The following CROCC2 variants were observed in gnomAD, a reference collection of about 807,000 sequenced individuals.
CROCC2 encodes ciliary rootlet coiled-coil, rootletin family member 2.
In CROCC2, 163 loss-of-function variants were observed where a neutral mutation model predicts 177.6. The ratio of observed to expected loss-of-function variants is 0.92; its 90% CI spans 0.81 to 1.05. The LOEUF (loss-of-function observed/expected upper bound fraction) is 1.05, where lower values mean the gene tolerates loss of function less well. Among genes scored for constraint, CROCC2 ranks in the 50% least tolerant of loss-of-function variants. The pLI is 0.00. For synonymous variants in CROCC2, 904 were observed against 787.3 expected (o/e 1.15, Z -2.48); for missense variants, 1,929 against 1,797.8 (o/e 1.07, Z -1.32).
rs958255713 is a variant in CROCC2, at chr2:240,963,377, G to A, written c.3088-179G>A. On this transcript the variant is annotated intron_variant, in intron 20 of 31. Transcript: ENST00000690015. Reference sequence around the variant, plus strand: ...GGCCCTGCCTCAGCCCGTGGAAGCCGCCCTGCAGCCTCCGCAGCACTAGGG... The same window carrying A: ...GGCCCTGCCTCAGCCCGTGGAAGCCACCCTGCAGCCTCCGCAGCACTAGGG... 15 of 644,266 alleles carry A rather than the reference G, an allele frequency of 2.3e-5. 1 individual carries two copies. The highest frequency in any genetic ancestry group is 8.7e-4 in the Middle Eastern group (2 of 2,300). The allele number at this position is 644,266 out of a possible 1,614,324, so 39.9% of individuals were successfully genotyped here. A position where few individuals can be genotyped will look rare whatever the true frequency, so the allele number is the denominator to read the frequency against.
chr2:240,909,822 T>C (rs1351715836), intron 1 of CROCC2, among the ~76,000 whole-genome samples: 1 of 151,934 alleles, frequency 6.6e-6, no homozygotes, highest in East Asian at 1.9e-4. Context: ...AGCAGGCGGG[T>C]GCCAGACGCC....
intron 14 of CROCC2, among the ~76,000 whole-genome samples, chr2:240,944,372 T>G (rs958656224): frequency 5.3e-5 from 8 of 152,232 alleles, no homozygotes; most frequent in African/African-American, 1.9e-4. Context: ...ATTTGGAACA[T>G]TCTTGGCCTG....
chr2:240,981,685 A>C (rs1360731117), intron 27 of CROCC2: 1 of 152,192 alleles, frequency 6.6e-6, no homozygotes, highest in East Asian at 1.9e-4. Flanking sequence ...AGGGTGAAGC[A>C]TCACAGTCTT....
At chr2:240,942,436 G>A (rs146740853) in intron 14 of CROCC2, among the ~76,000 whole-genome samples, 1 of 152,128 alleles carries the variant, frequency 6.6e-6, no homozygotes, top group East Asian at 1.9e-4. Context: ...ATCCCCTAAT[G>A]AGCTATTTCT....
At position 240,967,457 on chromosome 2, in the gene CROCC2, C is replaced by A; in HGVS notation, c.4259C>A (p.Ala1420Glu). The A allele has an allele frequency of 6.7e-7, 1 of 1,491,504 alleles. No homozygotes were observed. Among genetic ancestry groups the A allele is most frequent in the Non-Finnish European group, 9.1e-7 (1 of 1,093,396 alleles). The allele number at this position is 1,491,504 out of a possible 1,614,324, so 92.4% of individuals were successfully genotyped here. ...VGQLQKALAE[A>E]EEGQRRVEGA... ...CAGCTGCAGAAAGCCCTGGCTGAGG[C>A]GGAAGAAGGTGACCTCCCTTGCCCT... is the stretch of plus-strand genomic sequence containing the variant. The change falls in exon 26 of 32, where the codon GCG becomes GAG. Residue 1420 changes from alanine to glutamate, a missense_variant. Coordinates refer to ENST00000690015, the MANE Select transcript of CROCC2 (RefSeq NM_001351305.2).
chr2:240,962,402 C>G (rs1289927735), intron 20 of CROCC2, among the ~76,000 whole-genome samples: 1 of 152,098 alleles, frequency 6.6e-6, no homozygotes, highest in Non-Finnish European at 1.5e-5. Context: ...TGCATGGGCC[C>G]TTTTGCTGGT....
intron 20 of CROCC2, among the ~76,000 whole-genome samples, chr2:240,962,448 C>T (rs955281373): frequency 6.6e-6 from 1 of 152,022 alleles, no homozygotes; most frequent in African/African-American, 2.4e-5. Context: ...CTGAGCTCGG[C>T]GGAAAATGCT....
chr2:240,982,698 A>G lies in CROCC2; in HGVS notation c.4402-182A>G, dbSNP rs1574797070. The G allele has an allele frequency of 5.3e-6, 3 of 569,120 alleles. No homozygotes were observed. The highest frequency in any genetic ancestry group is 1.9e-5 in the African/African-American group (1 of 52,810). 35.3% of individuals were successfully genotyped at this position (569,120 alleles called of 1,614,324 possible). A position where few individuals can be genotyped will look rare whatever the true frequency, so the allele number is the denominator to read the frequency against. Reference sequence around the variant, plus strand: ...TGGGGGTCCACACCTTTGAGGTTACATTGCAAACACAATCACCTGATCAAC... The same window carrying G: ...TGGGGGTCCACACCTTTGAGGTTACGTTGCAAACACAATCACCTGATCAAC... On this transcript the variant is annotated intron_variant, in intron 27 of 31. Coordinates refer to ENST00000690015, the MANE Select transcript of CROCC2 (RefSeq NM_001351305.2). This position sits in a 1 kb window ranked among gnomAD's most constrained non-coding sequence, Gnocchi z 4.7.
Position 240,933,111 on chromosome 2 carries a change from A to G in CROCC2, c.1252-20A>G. The G allele has an allele frequency of 6.5e-7, 1 of 1,549,970 alleles. No individual in the cohort carries two copies. Among genetic ancestry groups the G allele is most frequent in the Non-Finnish European group, 8.7e-7 (1 of 1,146,812 alleles). ...GCCTGCCTAGGCCAGAGAGGCCCACAACTTACCCCACCCGAGCAGGAGCTG... is the reference window on the plus strand; with the variant it reads ...GCCTGCCTAGGCCAGAGAGGCCCACGACTTACCCCACCCGAGCAGGAGCTG... On this transcript the variant is annotated intron_variant, in intron 9 of 31. Transcript: ENST00000690015.
rs187869414 is a variant in CROCC2, at chr2:240,914,081, G to A, written c.79-4645G>A. Among the ~76,000 whole-genome samples, 10 of 152,358 alleles carry A rather than the reference G, an allele frequency of 6.6e-5. No homozygotes were observed. In the East Asian group the frequency reaches 7.7e-4, roughly 12 times the overall value. Reference sequence around the variant, plus strand: ...GAGGAAAGGGGCTGCCGCCCGGCCCGGAAGCTGCTTGGTTCCCTGCCCTTT... The same window carrying A: ...GAGGAAAGGGGCTGCCGCCCGGCCCAGAAGCTGCTTGGTTCCCTGCCCTTT... On this transcript the variant is annotated intron_variant, in intron 1 of 31. Transcript: ENST00000690015.
At chr2:240,983,451 G>A in intron 28 of CROCC2, 1 of 1,257,856 alleles carries the variant, frequency 8.0e-7, no homozygotes, top group East Asian at 6.9e-5. Flanking sequence ...CAGAGGCTCA[G>A]CGGCGGGCAG....
intron 6 of CROCC2, among the ~76,000 whole-genome samples, chr2:240,930,529 G>T (rs1478668400): frequency 6.6e-6 from 1 of 152,110 alleles, no homozygotes; most frequent in Non-Finnish European, 1.5e-5. Context: ...GATGAGAGGA[G>T]GGTGAAGAGG....
intron 12 of CROCC2, 151 bp from the exon 13 acceptor site, chr2:240,934,765 G>A (rs1470051274): frequency 1.2e-6 from 1 of 853,852 alleles, no homozygotes; most frequent in Non-Finnish European, 1.7e-6. Flanking sequence ...TTGGCCCTGA[G>A]ACCTCCCCAC....
intron 30 of CROCC2, among the ~76,000 whole-genome samples, chr2:240,990,394 A>C (rs2059869810): frequency 1.3e-5 from 2 of 152,198 alleles, no homozygotes; most frequent in Admixed American, 1.3e-4. Context: ...TGAGCCTTAG[A>C]GCTCAGAGCT....
chr2:240,935,683 A>T, intron 14 of CROCC2, 95 bp downstream of exon 14: 2 of 921,206 alleles, frequency 2.2e-6, no homozygotes, highest in Non-Finnish European at 3.0e-6. Flanking sequence ...CAGGCTCAGG[A>T]TGCCCACATC....
intron 11 of CROCC2, 38 bp from the exon 12 acceptor site, chr2:240,934,293 C>A: frequency 6.5e-7 from 1 of 1,542,694 alleles, no homozygotes; most frequent in Non-Finnish European, 8.7e-7. Context: ...CCACTGCTCA[C>A]CCTGAGCGAC....
At chr2:240,925,599 G>C (rs895726762) in intron 4 of CROCC2, 125 bp from the exon 5 acceptor site, 7 of 609,572 alleles carry the variant, frequency 1.1e-5, no homozygotes, top group Non-Finnish European at 1.8e-5. Flanking sequence ...CTGTGCACCT[G>C]AGCCCAGGTC....
chr2:240,988,628 AGG>A, intron 28 of CROCC2, 109 bp from the exon 29 acceptor site: 8 of 1,128,912 alleles, frequency 7.1e-6, no homozygotes, highest in Non-Finnish European at 9.2e-6. Context: ...GCCAGCTCTT[AGG>A]GGAATTCAGA....
intron 28 of CROCC2, chr2:240,983,310 C>A: frequency 8.5e-7 from 1 of 1,181,452 alleles, no homozygotes; most frequent in Non-Finnish European, 1.1e-6. Flanking sequence ...CAGCTGTGGA[C>A]ACGCCGTTTA....
Sources: allele counts gnomAD v4.1 joint callset (sites outside exome capture counted in the v4.1 genomes callset), GRCh38; gene constraint gnomAD v4.1.1; non-coding constraint Gnocchi (gnomAD v3.1); transcripts MANE v1.5; gene names NCBI Gene and HGNC (gene_info 2026-07-23, HGNC 2026-07-21).